WHAMM: variants seen among roughly 807,000 people sequenced by gnomAD.
WHAMM encodes the protein WASP homolog-associated protein with actin, membranes and microtubules.
Under a neutral mutation model 76.5 loss-of-function variants are expected in WHAMM, and 67 were observed. The ratio of observed to expected loss-of-function variants is 0.88; its 90% CI spans 0.72 to 1.07. The LOEUF (loss-of-function observed/expected upper bound fraction) is 1.07, where lower values mean the gene tolerates loss of function less well. Ranked by LOEUF, WHAMM falls within the 50% of genes least tolerant of loss-of-function variation. WHAMM has a pLI of 0.00. For synonymous variants in WHAMM, 419 were observed against 422.1 expected (o/e 0.99, Z 0.09); for missense variants, 1,021 against 1,051.1 (o/e 0.97, Z 0.40).
intron 6 of WHAMM, among the ~76,000 whole-genome samples, chr15:82,824,782 T>C (rs2050901742): frequency 1.3e-5 from 2 of 152,264 alleles, no homozygotes; most frequent in Admixed American, 1.3e-4. Context: ...ATTTTTCTTA[T>C]TAGAATTAAG....
intron 1 of WHAMM, chr15:82,810,788 G>A (rs1250795381): frequency 1.0e-6 from 1 of 981,756 alleles, no homozygotes; most frequent in Non-Finnish European, 1.2e-6. Context: ...TTAGGAGATA[G>A]GGTGTTTTGT....
intron 5 of WHAMM, among the ~76,000 whole-genome samples, chr15:82,822,500 C>T (rs370659052): frequency 2.0e-5 from 3 of 152,286 alleles, no homozygotes; most frequent in East Asian, 3.9e-4. Context: ...TGCAGTGGCA[C>T]GATCTTGGCT....
Position 82,817,971 on chromosome 15 carries a change from G to A in WHAMM, c.986G>A (p.Trp329Ter). 1 of 1,548,582 alleles carries A rather than the reference G, an allele frequency of 6.5e-7. No homozygotes were observed. The highest frequency in any genetic ancestry group is 1.2e-5 in the South Asian group (1 of 83,830). Reference sequence around the variant, plus strand: ...GCGAAGAGATTTGGTCAGGCTGCCTGGGCCACAGCAATTCCCAGGTTGGAA... The same window carrying A: ...GCGAAGAGATTTGGTCAGGCTGCCTAGGCCACAGCAATTCCCAGGTTGGAA... ...QDAKRFGQAA[W>*]ATAIPRLEKL... The change falls in exon 4 of 10, where the codon TGG (tryptophan) becomes TAG (stop). Residue 329 changes from tryptophan to a stop codon, truncating the protein, a stop_gained. Coordinates refer to ENST00000286760, the MANE Select transcript of WHAMM (RefSeq NM_001080435.3). LOFTEE classifies it high-confidence loss of function.
At chr15:82,823,070 T>C in intron 5 of WHAMM, 30 bp from the exon 6 acceptor site, 1 of 1,277,980 alleles carries the variant, frequency 7.8e-7, no homozygotes, top group African/African-American at 1.5e-5. Context: ...TAATAAAATA[T>C]GTTTTAAACA....
intron 2 of WHAMM, 112 bp downstream of exon 2, chr15:82,813,388 A>G (rs1422096355): frequency 3.8e-6 from 4 of 1,053,428 alleles, no homozygotes; most frequent in African/African-American, 1.6e-5. Flanking sequence ...GTTTACCATT[A>G]TGTTTATTTA....
At position 82,830,589 on chromosome 15, in the gene WHAMM, T is replaced by C; in HGVS notation, c.1642-10T>C. The C allele has an allele frequency of 6.2e-7, 1 of 1,600,788 alleles. No homozygotes were observed. Among genetic ancestry groups the C allele is most frequent in the South Asian group, 1.1e-5 (1 of 90,810 alleles). On this transcript the variant is annotated splice_polypyrimidine_tract_variant and intron_variant, in intron 8 of 9. Transcript: ENST00000286760. ...GTGGCAGATTGCTCACCATGGTTTT[T>C]CATTTTCAGAAACGCCTAGCTCAAT...
At position 82,823,252 on chromosome 15, in the gene WHAMM, ATCTG is replaced by A; in HGVS notation, c.1425_1428del (p.Ile475MetfsTer29). 2 of 1,559,892 alleles carry A rather than the reference ATCTG, an allele frequency of 1.3e-6. No homozygotes were observed. Among genetic ancestry groups the A allele is most frequent in the Non-Finnish European group, 1.7e-6 (2 of 1,150,490 alleles). On this transcript the variant is annotated frameshift_variant, in exon 6 of 10. Transcript: ENST00000286760. LOFTEE classifies it high-confidence loss of function. ...GCAGCTGGAGTCTAAACGGGGCAGG[ATCTG>A]TGCCAAAAGAGCCTCTCTCCGGAGT...
chr15:82,824,579 C>G (rs928908598), intron 6 of WHAMM, among the ~76,000 whole-genome samples: 2 of 152,194 alleles, frequency 1.3e-5, no homozygotes, highest in African/African-American at 2.4e-5. Context: ...CCTTGGCCTC[C>G]CAAAGTGCTG....
At chr15:82,816,925 A>G in intron 3 of WHAMM, 83 bp downstream of exon 3, 2 of 1,346,320 alleles carry the variant, frequency 1.5e-6, no homozygotes, top group Non-Finnish European at 2.0e-6. Context: ...CCTCTTACGC[A>G]CTAGGTACTA....
chr15:82,822,822 G>GTA (rs978055659), intron 5 of WHAMM, among the ~76,000 whole-genome samples: 5 of 151,484 alleles, frequency 3.3e-5, no homozygotes, highest in Admixed American at 6.6e-5. Flanking sequence ...GTGTGTGTGT[G>GTA]TGTATATATA....
At chr15:82,828,328 C>T (rs932290223) in intron 8 of WHAMM, among the ~76,000 whole-genome samples, 3 of 152,200 alleles carry the variant, frequency 2.0e-5, no homozygotes, top group Non-Finnish European at 2.9e-5. Flanking sequence ...CTGGGCAACA[C>T]ATCCACATCC....
At position 82,823,262 on chromosome 15, in the gene WHAMM, A is replaced by C; in HGVS notation, c.1433A>C (p.Lys478Thr). 1 of 1,538,450 alleles carries C rather than the reference A, an allele frequency of 6.5e-7. No individual in the cohort carries two copies. Among genetic ancestry groups the C allele is most frequent in the Non-Finnish European group, 8.8e-7 (1 of 1,139,048 alleles). ...TCTAAACGGGGCAGGATCTGTGCCA[A>C]AAGAGCCTCTCTCCGGAGTAGAAAG... is the stretch of plus-strand genomic sequence containing the variant. ...LESKRGRICAKRASLRSRKDQ... is the reference protein window; with the variant it reads ...LESKRGRICATRASLRSRKDQ... The change falls in exon 6 of 10, where the codon AAA becomes ACA. Residue 478 changes from lysine (K) to threonine (T), a missense_variant. Lys to Thr is a moderately conservative substitution (Grantham distance 78). This residue lies in a region of WHAMM where 509 missense variants were observed against 492.3 expected (regional missense o/e 1.03). Coordinates refer to ENST00000286760, the MANE Select transcript of WHAMM (RefSeq NM_001080435.3).
At chr15:82,828,896 C>A (rs545754217) in intron 8 of WHAMM, among the ~76,000 whole-genome samples, 1 of 152,062 alleles carries the variant, frequency 6.6e-6, no homozygotes, top group African/African-American at 2.4e-5. Flanking sequence ...GTTTAATGAG[C>A]CACCTGTGTG....
rs1426378797 is a variant in WHAMM, at chr15:82,826,488, A to G, written c.1537A>G (p.Ile513Val). The stretch of plus-strand genomic sequence containing the variant: ...AAGATACTCTCGTCAGCATCACAGT[A>G]TTCAGATGGTGAGTCTCCTCCGAAG... ...SIRYSRQHHS[I>V]QMKRDKIKEE... is the part of the protein sequence containing the mutation. The change falls in exon 7 of 10, where the codon ATT (isoleucine) becomes GTT (valine). Residue 513 changes from isoleucine to valine, a missense_variant. By Grantham distance (29) the Ile-to-Val change is conservative. Coordinates refer to ENST00000286760, the MANE Select transcript of WHAMM (RefSeq NM_001080435.3). 2.5e-6 allele frequency: 4 copies of G among 1,613,694 alleles called. No individual in the cohort carries two copies. Among genetic ancestry groups the G allele is most frequent in the Admixed American group, 3.3e-5 (2 of 60,020 alleles).
chr15:82,834,928 A>G lies in WHAMM; in HGVS notation c.*1392A>G, dbSNP rs2051107592. On this transcript the variant is annotated 3_prime_UTR_variant, in exon 10 of 10. Coordinates refer to ENST00000286760, the MANE Select transcript of WHAMM (RefSeq NM_001080435.3). ...CATGCTGAAGTATTTTCTCCTTAAA[A>G]TTAAATTTTTAAAATCAGGGAAGGG... 1 of 152,110 alleles carries G rather than the reference A, an allele frequency of 6.6e-6. No individual in the cohort carries two copies. Among genetic ancestry groups the G allele is most frequent in the South Asian group, 2.1e-4 (1 of 4,830 alleles). 9.4% of individuals were successfully genotyped at this position (152,110 alleles called of 1,614,324 possible).
intron 5 of WHAMM, among the ~76,000 whole-genome samples, chr15:82,821,462 A>G (rs1175909544): frequency 1.3e-5 from 2 of 152,208 alleles, no homozygotes; most frequent in Non-Finnish European, 2.9e-5. Flanking sequence ...ATTGTTAAGC[A>G]GTCCCAATCA....
chr15:82,830,749 C>T lies in WHAMM; in HGVS notation c.1792C>T (p.Leu598=). Residue 598 remains leucine (L), a synonymous_variant, in exon 9 of 10, where the codon CTA becomes TTA. Transcript: ENST00000286760. The part of the protein sequence containing the change: ...PSSRKTRGVP[L]SEAGNVKSPK... ...CTCTAGGAAAACTAGAGGTGTTCCC[C>T]TATCGGAAGCTGGTAATGTGAAAAG... 1 of 1,613,954 alleles carries T rather than the reference C, an allele frequency of 6.2e-7. No homozygotes were observed. Among genetic ancestry groups the T allele is most frequent in the Non-Finnish European group, 8.5e-7 (1 of 1,179,882 alleles).
chr15:82,817,261 T>C (rs373140208), intron 3 of WHAMM, among the ~76,000 whole-genome samples: 1 of 152,106 alleles, frequency 6.6e-6, no homozygotes, highest in Non-Finnish European at 1.5e-5. Flanking sequence ...TTGAGGGAAG[T>C]TGGCAAATTA....
chr15:82,828,152 C>T (rs1175144283), intron 8 of WHAMM, among the ~76,000 whole-genome samples: 2 of 152,188 alleles, frequency 1.3e-5, no homozygotes, highest in African/African-American at 2.4e-5. Context: ...AGGCACTTCA[C>T]ATTCACTCTC....
Sources: gnomAD v4.1 joint callset for allele counts (sites outside exome capture counted in the v4.1 genomes callset) on GRCh38, gnomAD v4.1.1 for gene constraint, gnomAD v4.1.1 regional missense constraint, MANE v1.5 for transcripts, NCBI Gene and HGNC (gene_info 2026-07-23, HGNC 2026-07-21) for gene names.